MAD1L1: variants seen among roughly 807,000 people sequenced by gnomAD.
The protein encoded by MAD1L1 is mitotic arrest deficient 1 like 1, also known as mitotic spindle assembly checkpoint protein MAD1.
MAD1L1 carries 95 observed loss-of-function variants against 96.9 expected under a neutral mutation model. The observed-to-expected ratio is 0.98, with a 90% CI of 0.83 to 1.16. The LOEUF (loss-of-function observed/expected upper bound fraction) is 1.16. MAD1L1 is among the 50% of genes most tolerant of loss of function. MAD1L1 has a pLI of 0.00. For synonymous variants in MAD1L1, 473 were observed against 396.6 expected (o/e 1.19, Z -2.29); for missense variants, 1,007 against 954.4 (o/e 1.06, Z -0.73).
chr7:1,918,162 T>C (rs1242868406), intron 17 of MAD1L1, among the ~76,000 whole-genome samples: 1 of 152,132 alleles, frequency 6.6e-6, no homozygotes, highest in African/African-American at 2.4e-5. Context: ...ATTGACAGAA[T>C]GCCTCCGAGG....
At position 2,087,419 on chromosome 7, in the gene MAD1L1, A is replaced by C. The variant is rs985167596; in HGVS notation, c.1074-18081T>G. Among the ~76,000 whole-genome samples the C allele has an allele frequency of 2.0e-5, 3 of 152,080 alleles. No homozygotes were observed. In the South Asian group the frequency reaches 6.2e-4, roughly 32 times the overall value. Reference sequence around the variant, plus strand: ...GCCAGGCCTGGTGGCGCGCGCCTGTAATCTCAGCTACTCATGAGGCTGAGG... The same window carrying C: ...GCCAGGCCTGGTGGCGCGCGCCTGTCATCTCAGCTACTCATGAGGCTGAGG... On this transcript the variant is annotated intron_variant, in intron 11 of 18. Coordinates refer to ENST00000265854, the MANE Select transcript of MAD1L1 (RefSeq NM_001013836.2).
At position 1,823,979 on chromosome 7, in the gene MAD1L1, G is replaced by A. The variant is rs571289902; in HGVS notation, c.1999-7751C>T. Reference sequence around the variant, plus strand: ...GAGAGGAAAGGAGCCCTCGGGGGAAGTTATGCTGGGAGCCCATTTGTGGGG... The same window carrying A: ...GAGAGGAAAGGAGCCCTCGGGGGAAATTATGCTGGGAGCCCATTTGTGGGG... On this transcript the variant is annotated intron_variant, in intron 18 of 18. Transcript: ENST00000265854. Among the ~76,000 whole-genome samples, 24 of 152,352 alleles carry A rather than the reference G, an allele frequency of 1.6e-4. No individual in the cohort carries two copies. The East Asian group carries it at 4.6e-3, about 29-fold the overall frequency.
chr7:1,902,181 C>A (rs1475777614), intron 17 of MAD1L1, among the ~76,000 whole-genome samples: 2 of 152,188 alleles, frequency 1.3e-5, no homozygotes, highest in Admixed American at 1.3e-4. Context: ...CCTGCCTCCT[C>A]CTGGAATCAC....
At position 2,103,537 on chromosome 7, in the gene MAD1L1, C is replaced by T. The variant is rs747820820; in HGVS notation, c.1074-34199G>A. Among the ~76,000 whole-genome samples the T allele has an allele frequency of 7.2e-5, 11 of 152,080 alleles. No individual in the cohort carries two copies. The highest frequency in any genetic ancestry group is 1.9e-4 in the African/African-American group (8 of 41,422). On this transcript the variant is annotated intron_variant, in intron 11 of 18. Transcript: ENST00000265854. The surrounding 1 kb of genome is among the most constrained non-coding windows in gnomAD (Gnocchi z 4.3). Reference sequence around the variant, plus strand: ...CTCGACCACCGTGCTCTTTGTTGGGCGGGGCAACCGCAGATGGGCCAGCAC... The same window carrying T: ...CTCGACCACCGTGCTCTTTGTTGGGTGGGGCAACCGCAGATGGGCCAGCAC...
chr7:2,188,011 T>C (rs1791541487), intron 10 of MAD1L1, among the ~76,000 whole-genome samples: 1 of 152,230 alleles, frequency 6.6e-6, no homozygotes, highest in African/African-American at 2.4e-5. Flanking sequence ...TTAAAGACTT[T>C]TCAATAACTT....
At chr7:2,070,558 G>C (rs536624318) in intron 11 of MAD1L1, among the ~76,000 whole-genome samples, 13 of 152,378 alleles carry the variant, frequency 8.5e-5, no homozygotes, top group Non-Finnish European at 1.8e-4. Context: ...AGTCCGCGGA[G>C]GGAGGGCCCA....
At chr7:2,132,478 C>T (rs999568793) in intron 11 of MAD1L1, among the ~76,000 whole-genome samples, 1 of 147,916 alleles carries the variant, frequency 6.8e-6, no homozygotes, top group Non-Finnish European at 1.5e-5. Flanking sequence ...CTGCTGCGTG[C>T]GACTGCGTGT....
intron 18 of MAD1L1, among the ~76,000 whole-genome samples, chr7:1,856,342 C>A (rs1784249771): frequency 6.6e-6 from 1 of 152,178 alleles, no homozygotes; most frequent in African/African-American, 2.4e-5. Context: ...CTGGGCTCAG[C>A]CTGTCCCAGG....
intron 10 of MAD1L1, among the ~76,000 whole-genome samples, chr7:2,185,461 A>G (rs1791414270): frequency 6.6e-6 from 1 of 152,184 alleles, no homozygotes. Flanking sequence ...TCACTCAATT[A>G]TATACATAAG....
intron 10 of MAD1L1, among the ~76,000 whole-genome samples, chr7:2,185,333 T>C (rs1044183025): frequency 1.3e-5 from 2 of 152,082 alleles, no homozygotes; most frequent in African/African-American, 4.8e-5. Flanking sequence ...ATCAGAACAG[T>C]GCTTGTCTCC....
At chr7:2,115,771 C>T (rs958575049) in intron 11 of MAD1L1, among the ~76,000 whole-genome samples, 5 of 152,366 alleles carry the variant, frequency 3.3e-5, no homozygotes, top group East Asian at 1.9e-4. Flanking sequence ...GGACCTGCCG[C>T]GCATGACCTG....
intron 13 of MAD1L1, among the ~76,000 whole-genome samples, chr7:2,012,609 A>C (rs1389616627): frequency 6.6e-6 from 1 of 152,202 alleles, no homozygotes; most frequent in Non-Finnish European, 1.5e-5. Context: ...GAGGATGGAC[A>C]GAGGGGGCAG....
intron 15 of MAD1L1, among the ~76,000 whole-genome samples, chr7:1,965,193 C>T (rs1038127190): frequency 6.6e-6 from 1 of 152,308 alleles, no homozygotes; most frequent in Non-Finnish European, 1.5e-5. Flanking sequence ...GTACGTAGGA[C>T]CCCCAGCCCT....
chr7:2,096,974 G>A (rs963303709), intron 11 of MAD1L1, among the ~76,000 whole-genome samples: 13 of 152,304 alleles, frequency 8.5e-5, no homozygotes, highest in African/African-American at 2.9e-4. Context: ...GAATGACAGC[G>A]CACCCGGGGA....
At chr7:1,972,230 AC>A (rs1780436063) in intron 15 of MAD1L1, among the ~76,000 whole-genome samples, 1 of 151,932 alleles carries the variant, frequency 6.6e-6, no homozygotes, top group African/African-American at 2.4e-5. Flanking sequence ...ACACACATGC[AC>A]CCCCGTGCCT....
At chr7:1,987,555 G>A (rs920196709) in intron 14 of MAD1L1, among the ~76,000 whole-genome samples, 8 of 152,062 alleles carry the variant, frequency 5.3e-5, no homozygotes, top group African/African-American at 1.7e-4. Flanking sequence ...TTTAAGGGAA[G>A]GAAAGCCATC....
chr7:1,881,763 G>A (rs947883426), intron 18 of MAD1L1, among the ~76,000 whole-genome samples: 5 of 152,248 alleles, frequency 3.3e-5, no homozygotes, highest in African/African-American at 1.2e-4. Flanking sequence ...TGGGGAGGCA[G>A]AGGTGGTGGG....
intron 13 of MAD1L1, among the ~76,000 whole-genome samples, chr7:2,008,322 GGGCGGCA>G (rs1322721226): frequency 6.6e-6 from 1 of 152,310 alleles, no homozygotes; most frequent in Admixed American, 6.5e-5. Flanking sequence ...GGCAGTGGGT[GGGCGGCA>G]GAGCACCCCC....
chr7:2,202,574 G>T (rs1379680115), intron 10 of MAD1L1, among the ~76,000 whole-genome samples: 2 of 152,220 alleles, frequency 1.3e-5, no homozygotes, highest in East Asian at 3.9e-4. Flanking sequence ...AGGCCCAGAA[G>T]AAGGGCCATG....
Sources: allele counts gnomAD v4.1 joint callset (sites outside exome capture counted in the v4.1 genomes callset), GRCh38; gene constraint gnomAD v4.1.1; non-coding constraint Gnocchi (gnomAD v3.1); transcripts MANE v1.5; gene names NCBI Gene and HGNC (gene_info 2026-07-23, HGNC 2026-07-21).